The following SLC15A1 variants were observed in gnomAD, a reference collection of about 807,000 sequenced individuals.
The protein encoded by SLC15A1 is solute carrier family 15 member 1.
SLC15A1 carries 83 observed loss-of-function variants against 92.9 expected under a neutral mutation model. The ratio of observed to expected loss-of-function variants is 0.89; its 90% CI spans 0.75 to 1.07. The LOEUF (loss-of-function observed/expected upper bound fraction) is 1.07. SLC15A1 is among the 50% of genes least tolerant of loss of function. The probability of loss-of-function intolerance (pLI) is 0.00; values close to 1 mark genes in which losing one functional copy is unlikely to be tolerated. For synonymous variants in SLC15A1, 322 were observed against 318.2 expected, an observed-to-expected ratio of 1.01 and a Z score of -0.13; for missense variants, 857 against 880.1, an observed-to-expected ratio of 0.97 and a Z score of 0.33.
intron 1 of SLC15A1, among the ~76,000 whole-genome samples, chr13:98,747,174 A>T (rs565450619): frequency 1.3e-5 from 2 of 152,298 alleles, no homozygotes; most frequent in African/African-American, 2.4e-5. Context: ...TTGGTGTTGC[A>T]ACCCCGGGAT....
At chr13:98,746,002 G>T (rs979107402) in intron 1 of SLC15A1, among the ~76,000 whole-genome samples, 9 of 152,026 alleles carry the variant, frequency 5.9e-5, no homozygotes, top group South Asian at 2.1e-4. Flanking sequence ...CTAATAGTTG[G>T]TTTTTTCCAA....
chr13:98,728,599 A>G (rs2088321266), intron 1 of SLC15A1, among the ~76,000 whole-genome samples: 1 of 152,138 alleles, frequency 6.6e-6, no homozygotes, highest in African/African-American at 2.4e-5. Context: ...AGGTTAGTGG[A>G]TACAAAAACA....
chr13:98,736,267 C>T (rs150978085), intron 1 of SLC15A1, among the ~76,000 whole-genome samples: 7,622 of 152,286 alleles, frequency 0.05, 226 homozygotes, highest in African/African-American at 0.059. Context: ...ATAAGTGGTG[C>T]TGGGAAAACT....
At chr13:98,749,836 G>T (rs1007961948) in intron 1 of SLC15A1, among the ~76,000 whole-genome samples, 10 of 152,156 alleles carry the variant, frequency 6.6e-5, no homozygotes, top group African/African-American at 2.4e-4. Flanking sequence ...TTAAGATTTT[G>T]TGGCACATGA....
chr13:98,688,197 T>C (rs373436801), intron 20 of SLC15A1, 51 bp downstream of exon 20: 17 of 1,225,422 alleles, frequency 1.4e-5, no homozygotes, highest in African/African-American at 1.0e-4. Flanking sequence ...TGAGTCTTCA[T>C]ATCAATCGAG....
intron 16 of SLC15A1, among the ~76,000 whole-genome samples, chr13:98,705,117 T>C (rs746771141): frequency 6.8e-6 from 1 of 147,238 alleles, no homozygotes; most frequent in Non-Finnish European, 1.5e-5. Context: ...GAGAATCGCT[T>C]AAACCCAGGA....
At chr13:98,702,967 CAAAAAAA>C (rs535486738) in intron 17 of SLC15A1, among the ~76,000 whole-genome samples, 10 of 77,678 alleles carry the variant, frequency 1.3e-4, no homozygotes, top group East Asian at 5.0e-4. Flanking sequence ...GATCCTGTCT[CAAAAAAA>C]AAAAAAAAAA....
chr13:98,710,972 G>GT (rs1317793076), intron 11 of SLC15A1, among the ~76,000 whole-genome samples: 1 of 152,048 alleles, frequency 6.6e-6, no homozygotes, highest in Non-Finnish European at 1.5e-5. Context: ...AGTGACTCAA[G>GT]TCTCACAGCT....
At chr13:98,736,775 A>C (rs1260503023) in intron 1 of SLC15A1, among the ~76,000 whole-genome samples, 1 of 152,262 alleles carries the variant, frequency 6.6e-6, no homozygotes, top group African/African-American at 2.4e-5. Context: ...GAGAAATGCA[A>C]ATCAAAACCA....
intron 1 of SLC15A1, among the ~76,000 whole-genome samples, chr13:98,750,266 C>T (rs2088533028): frequency 6.6e-6 from 1 of 152,160 alleles, no homozygotes; most frequent in Non-Finnish European, 1.5e-5. Context: ...GCACATGCCA[C>T]CATGCCCAGC....
chr13:98,723,438 G>A (rs778142555), intron 5 of SLC15A1, among the ~76,000 whole-genome samples: 1 of 152,172 alleles, frequency 6.6e-6, no homozygotes, highest in African/African-American at 2.4e-5. Context: ...CAGCACATGA[G>A]CATTTATCAA....
chr13:98,746,685 C>T (rs914126458), intron 1 of SLC15A1, among the ~76,000 whole-genome samples: 1 of 152,170 alleles, frequency 6.6e-6, no homozygotes, highest in Non-Finnish European at 1.5e-5. Flanking sequence ...TATGGAAGTA[C>T]ATTTTGTGAA....
intron 17 of SLC15A1, 114 bp from the exon 18 acceptor site, chr13:98,702,643 A>C: frequency 1.2e-6 from 1 of 856,406 alleles, no homozygotes; most frequent in South Asian, 1.5e-5. Context: ...CCTAGGACCT[A>C]AGGACATGGT....
intron 10 of SLC15A1, 119 bp downstream of exon 10, chr13:98,712,379 G>C: frequency 4.0e-6 from 3 of 747,712 alleles, no homozygotes; most frequent in Non-Finnish European, 6.9e-6. Context: ...TTAATATGCT[G>C]TAAAGGTTAG....
In SLC15A1 at chr13:98,748,770, G is replaced by T. The variant is rs536187343; in HGVS notation, c.4+3825C>A. Among the ~76,000 whole-genome samples the T allele has an allele frequency of 4.6e-5, 7 of 152,166 alleles. No individual in the cohort carries two copies. In the South Asian group the frequency reaches 1.5e-3, roughly 32 times the overall value. ...TGGCAACATGTTCACATGGGCAGGG[G>T]TCAAAAAAAAGAACCCAGGGGATCT... On this transcript the variant is annotated intron_variant, in intron 1 of 22. Coordinates refer to ENST00000376503, the MANE Select transcript of SLC15A1 (RefSeq NM_005073.4).
At chr13:98,703,941 A>G (rs2088090746) in intron 17 of SLC15A1, among the ~76,000 whole-genome samples, 1 of 152,156 alleles carries the variant, frequency 6.6e-6, no homozygotes, top group Admixed American at 6.5e-5. Flanking sequence ...AATTCAGTGC[A>G]ATTAATTATA....
chr13:98,708,860 A>C, intron 14 of SLC15A1, 93 bp from the exon 15 acceptor site: 13 of 754,140 alleles, frequency 1.7e-5, no homozygotes, highest in East Asian at 6.8e-5. Flanking sequence ...ACAAAACTAA[A>C]TTCCTTCCAA....
At chr13:98,728,977 T>TAAAAAAAAAAAAAAAAAAAA (rs71218592) in intron 1 of SLC15A1, among the ~76,000 whole-genome samples, 9 of 13,898 alleles carry the variant, frequency 6.5e-4, no homozygotes, top group East Asian at 6.0e-3. Flanking sequence ...TAAGGCTCTG[T>TAAAAAAAAAAAAAAAAAAAA]AAAAAAAAAA....
Position 98,684,569 on chromosome 13 carries a change from G to GA in SLC15A1, c.*154dup. On this transcript the variant is annotated 3_prime_UTR_variant, in exon 23 of 23. Transcript: ENST00000376503. ...TCAAAAAAAAAAAAAAAAAAAAAAA[G>GA]AAAAGAAAAAGAAAAAAGAAAATAG... 1 of 295,850 alleles carries GA rather than the reference G, an allele frequency of 3.4e-6. No homozygotes were observed. The highest frequency in any genetic ancestry group is 5.9e-6 in the Non-Finnish European group (1 of 169,712). The allele number at this position is 295,850 out of a possible 1,614,324, so 18.3% of individuals were successfully genotyped here.
Sources: gnomAD v4.1 joint callset for allele counts (sites outside exome capture counted in the v4.1 genomes callset) on GRCh38, gnomAD v4.1.1 for gene constraint, MANE v1.5 for transcripts, NCBI Gene and HGNC (gene_info 2026-07-23, HGNC 2026-07-21) for gene names.